SLC9A9: variants seen among roughly 807,000 people sequenced by gnomAD.
The protein encoded by SLC9A9 is sodium/hydrogen exchanger 9.
Under a neutral mutation model 77.8 loss-of-function variants are expected in SLC9A9, and 62 were observed. That is an observed-to-expected ratio of 0.80 (90% CI 0.65 to 0.98). SLC9A9 has a LOEUF of 0.98. SLC9A9 is among the 50% of genes least tolerant of loss of function. The pLI is 0.00. For synonymous variants in SLC9A9, 320 were observed against 283.5 expected, an observed-to-expected ratio of 1.13 and a Z score of -1.29; for missense variants, 775 against 774.9, an observed-to-expected ratio of 1.00 and a Z score of 0.00.
At chr3:143,439,136 G>A (rs2034678519) in intron 12 of SLC9A9, among the ~76,000 whole-genome samples, 1 of 152,182 alleles carries the variant, frequency 6.6e-6, no homozygotes, top group Admixed American at 6.5e-5. Context: ...ACAATTCTAG[G>A]CACTTATTGC....
chr3:143,564,159 G>T (rs545215966), intron 8 of SLC9A9, among the ~76,000 whole-genome samples: 28 of 152,294 alleles, frequency 1.8e-4, no homozygotes, highest in Middle Eastern at 3.4e-3. Context: ...TCCTGGCAGG[G>T]TCCGTTGTCT....
At chr3:143,293,791 T>A (rs1243597880) in intron 14 of SLC9A9, among the ~76,000 whole-genome samples, 1 of 152,158 alleles carries the variant, frequency 6.6e-6, no homozygotes, top group Non-Finnish European at 1.5e-5. Flanking sequence ...TATGATCAGA[T>A]TTTAAAATAA....
intron 6 of SLC9A9, chr3:143,627,617 G>A (rs928535965): frequency 1.3e-5 from 4 of 311,106 alleles, no homozygotes; most frequent in African/African-American, 4.4e-5. Context: ...AATTGGAAGA[G>A]CCAAAGATCC....
intron 4 of SLC9A9, among the ~76,000 whole-genome samples, chr3:143,736,124 T>C (rs1181271212): frequency 6.6e-6 from 1 of 152,224 alleles, no homozygotes; most frequent in African/African-American, 2.4e-5. Flanking sequence ...ATTGAACTTC[T>C]AACAATTCTT....
intron 6 of SLC9A9, among the ~76,000 whole-genome samples, chr3:143,621,085 C>T (rs1402093683): frequency 6.6e-6 from 1 of 152,192 alleles, no homozygotes; most frequent in Admixed American, 6.5e-5. Flanking sequence ...CCCACCATTG[C>T]CAAGGCTTGA....
At chr3:143,371,817 C>A (rs60671100) in intron 13 of SLC9A9, among the ~76,000 whole-genome samples, 1 of 152,014 alleles carries the variant, frequency 6.6e-6, no homozygotes, top group Admixed American at 6.6e-5. Context: ...CCTAGAAAAC[C>A]CTAAAGATCC....
At chr3:143,428,549 C>T (rs548578640) in intron 12 of SLC9A9, among the ~76,000 whole-genome samples, 1 of 152,266 alleles carries the variant, frequency 6.6e-6, no homozygotes, top group Middle Eastern at 3.4e-3. Flanking sequence ...CACTTAAAAG[C>T]AGAAGTACTA....
At chr3:143,530,980 A>G (rs948351922) in intron 9 of SLC9A9, among the ~76,000 whole-genome samples, 4 of 152,256 alleles carry the variant, frequency 2.6e-5, no homozygotes, top group African/African-American at 9.6e-5. Context: ...TCCTAATTCC[A>G]GCACTCAGAA....
chr3:143,515,439 C>T (rs7636473), intron 9 of SLC9A9, among the ~76,000 whole-genome samples: 38,563 of 152,066 alleles, frequency 0.25, 6,018 homozygotes, highest in Non-Finnish European at 0.36. Flanking sequence ...ATCTGTAAAG[C>T]ACAATAAAGA....
At chr3:143,555,739 G>A (rs2036968240) in intron 8 of SLC9A9, among the ~76,000 whole-genome samples, 1 of 152,204 alleles carries the variant, frequency 6.6e-6, no homozygotes, top group Admixed American at 6.5e-5. Context: ...TATCATTGGA[G>A]AATATTTTCC....
intron 6 of SLC9A9, among the ~76,000 whole-genome samples, chr3:143,579,480 C>T (rs917726399): frequency 2.6e-5 from 4 of 151,958 alleles, no homozygotes; most frequent in East Asian, 1.9e-4. Flanking sequence ...GCCTCAGATC[C>T]CAGAGTGTGA....
chr3:143,327,216 G>C (rs1401671321), intron 14 of SLC9A9, among the ~76,000 whole-genome samples: 4 of 152,098 alleles, frequency 2.6e-5, no homozygotes, highest in Non-Finnish European at 5.9e-5. Flanking sequence ...CCAAGTGAAG[G>C]CTACACTTCC....
chr3:143,283,902 C>A (rs1316460415), intron 14 of SLC9A9, among the ~76,000 whole-genome samples: 1 of 152,192 alleles, frequency 6.6e-6, no homozygotes, highest in East Asian at 1.9e-4. Flanking sequence ...TTGGCACGAA[C>A]AGGTATGATC....
At chr3:143,847,433 C>T (rs1421758493) in intron 1 of SLC9A9, among the ~76,000 whole-genome samples, 4 of 152,204 alleles carry the variant, frequency 2.6e-5, no homozygotes, top group Admixed American at 2.0e-4. Context: ...CGGTAAGTTG[C>T]CCAGAAAGAG....
intron 5 of SLC9A9, among the ~76,000 whole-genome samples, chr3:143,683,036 A>C (rs1417596072): frequency 6.6e-6 from 1 of 152,172 alleles, no homozygotes; most frequent in Non-Finnish European, 1.5e-5. Flanking sequence ...TATTTTGCCT[A>C]CCATGAAATT....
intron 12 of SLC9A9, among the ~76,000 whole-genome samples, chr3:143,451,711 T>C (rs1053816330): frequency 6.6e-6 from 1 of 152,140 alleles, no homozygotes; most frequent in African/African-American, 2.4e-5. Context: ...CACTACATTA[T>C]AGGTTTCCAC....
At chr3:143,469,484 T>C (rs1000778652) in intron 11 of SLC9A9, among the ~76,000 whole-genome samples, 2 of 152,232 alleles carry the variant, frequency 1.3e-5, no homozygotes, top group African/African-American at 4.8e-5. Flanking sequence ...TAATATTTAT[T>C]ATAGCATCTA....
At chr3:143,545,774 C>T (rs1394793810) in intron 9 of SLC9A9, among the ~76,000 whole-genome samples, 3 of 152,134 alleles carry the variant, frequency 2.0e-5, no homozygotes, top group Non-Finnish European at 4.4e-5. Flanking sequence ...TTGCCTCATC[C>T]TTGGATTTGC....
intron 12 of SLC9A9, among the ~76,000 whole-genome samples, chr3:143,383,303 T>A (rs1263061789): frequency 6.6e-6 from 1 of 152,212 alleles, no homozygotes; most frequent in African/African-American, 2.4e-5. Flanking sequence ...AAGCTGTTCC[T>A]ACTCCGGGGT....
Sources: gnomAD v4.1 joint callset for allele counts (sites outside exome capture counted in the v4.1 genomes callset) on GRCh38, gnomAD v4.1.1 for gene constraint, MANE v1.5 for transcripts, NCBI Gene and HGNC (gene_info 2026-07-23, HGNC 2026-07-21) for gene names.